The following PARM1 variants were observed in gnomAD, a reference collection of about 807,000 sequenced individuals.
The protein encoded by PARM1 is prostate androgen-regulated mucin-like protein 1.
A neutral mutation model predicts 24.6 loss-of-function variants in PARM1; 14 were observed. The ratio of observed to expected loss-of-function variants is 0.57; its 90% CI spans 0.38 to 0.89. The LOEUF (loss-of-function observed/expected upper bound fraction) is 0.89, where lower values mean the gene tolerates loss of function less well. Ranked by LOEUF, PARM1 falls within the 40% of genes least tolerant of loss-of-function variation. The pLI is 0.00. For missense variants in PARM1, 362 were observed against 380.4 expected (o/e 0.95, Z 0.40); for synonymous variants, 179 against 156.6 (o/e 1.14, Z -1.07).
Position 74,977,507 on chromosome 4 carries a change from G to A in PARM1, c.44-34918G>A, listed in dbSNP as rs1410459309. Among the ~76,000 whole-genome samples the A allele has an allele frequency of 2.0e-5, 3 of 152,296 alleles. No individual in the cohort carries two copies. The East Asian group carries it at 5.8e-4, about 29-fold the overall frequency. ...ACAACTAATGGGGGTATATGAAAGA[G>A]ACAAGGAGAATGGACCCAAGTTGGA... On this transcript the variant is annotated intron_variant, in intron 1 of 3. Transcript: ENST00000307428.
chr4:74,979,383 C>T (rs1237859266), intron 1 of PARM1, among the ~76,000 whole-genome samples: 1 of 152,100 alleles, frequency 6.6e-6, no homozygotes, highest in Non-Finnish European at 1.5e-5. Context: ...AATTCCTGGA[C>T]ACATACACCC....
At chr4:74,983,582 C>T (rs1351147945) in intron 1 of PARM1, among the ~76,000 whole-genome samples, 2 of 152,202 alleles carry the variant, frequency 1.3e-5, no homozygotes, top group Non-Finnish European at 2.9e-5. Flanking sequence ...ATGCTTCTCT[C>T]TACTGTAGCT....
chr4:75,046,764 G>A lies in PARM1; in HGVS notation c.*517G>A, dbSNP rs2109819507. 6.5e-6 allele frequency: 1 copy of A among 152,700 alleles called. No individual in the cohort carries two copies. The highest frequency in any genetic ancestry group is 2.4e-5 in the African/African-American group (1 of 41,572). 9.5% of individuals were successfully genotyped at this position (152,700 alleles called of 1,614,324 possible). ...TCTATTTATCTGGTTGTTTCTGACA[G>A]GATGCTGCCTGCTTGGCTCTACAAG... On this transcript the variant is annotated 3_prime_UTR_variant, in exon 4 of 4. Transcript: ENST00000307428.
intron 1 of PARM1, among the ~76,000 whole-genome samples, chr4:74,989,047 GA>G (rs1408033858): frequency 6.6e-6 from 1 of 152,066 alleles, no homozygotes; most frequent in East Asian, 1.9e-4. Context: ...GGATAGAGAG[GA>G]AAAAACCAAA....
At position 75,047,537 on chromosome 4, in the gene PARM1, C is replaced by A. The variant is rs913465839; in HGVS notation, c.*1290C>A. On this transcript the variant is annotated 3_prime_UTR_variant, in exon 4 of 4. Coordinates refer to ENST00000307428, the MANE Select transcript of PARM1 (RefSeq NM_015393.4). ...GAGGTGATTTTGCCCCCTGACTCCA[C>A]CCCAGGGACATTCAAAAATGTCTGG... is the stretch of plus-strand genomic sequence containing the variant. 3 of 152,214 alleles carry A rather than the reference C, an allele frequency of 2.0e-5. No homozygotes were observed. Among genetic ancestry groups the A allele is most frequent in the African/African-American group, 7.2e-5 (3 of 41,452 alleles). 9.4% of individuals were successfully genotyped at this position (152,214 alleles called of 1,614,324 possible).
intron 1 of PARM1, among the ~76,000 whole-genome samples, chr4:74,992,572 CAGG>C (rs1291669344): frequency 1.3e-5 from 2 of 151,986 alleles, no homozygotes; most frequent in Non-Finnish European, 2.9e-5. Context: ...GCCAATGGGG[CAGG>C]AGAAGTCTTT....
chr4:75,036,464 G>A (rs1041873118), intron 3 of PARM1, among the ~76,000 whole-genome samples: 3 of 152,148 alleles, frequency 2.0e-5, no homozygotes, highest in Admixed American at 6.5e-5. Flanking sequence ...TGTAAAATAA[G>A]GGCAGTAGTT....
intron 1 of PARM1, among the ~76,000 whole-genome samples, chr4:75,010,338 G>A (rs114399053): frequency 1.3e-5 from 2 of 152,242 alleles, no homozygotes; most frequent in African/African-American, 2.4e-5. Context: ...TAGAATGGTT[G>A]GTTGTTTTTA....
intron 3 of PARM1, among the ~76,000 whole-genome samples, chr4:75,038,652 C>T: frequency 6.6e-6 from 1 of 152,220 alleles, no homozygotes; most frequent in East Asian, 1.9e-4. Flanking sequence ...CCATGTTACA[C>T]ATTTATAAAT....
chr4:74,957,635 CATT>C (rs1431444391), intron 1 of PARM1, among the ~76,000 whole-genome samples: 1 of 152,118 alleles, frequency 6.6e-6, no homozygotes, highest in African/African-American at 2.4e-5. Flanking sequence ...GCCTATATGA[CATT>C]AGAAGTCAAG....
intron 1 of PARM1, among the ~76,000 whole-genome samples, chr4:74,938,920 T>C (rs1721246801): frequency 6.6e-6 from 1 of 152,202 alleles, no homozygotes; most frequent in African/African-American, 2.4e-5. Flanking sequence ...ATAATGTCAA[T>C]TGAAAATAGT....
intron 1 of PARM1, among the ~76,000 whole-genome samples, chr4:74,974,513 T>C (rs72860944): frequency 0.027 from 4,173 of 152,290 alleles, 83 homozygotes; most frequent in South Asian, 0.076. Context: ...ATAAGGCTTT[T>C]ATTCCCAGCA....
chr4:74,964,258 C>T (rs1052824511), intron 1 of PARM1, among the ~76,000 whole-genome samples: 2 of 152,188 alleles, frequency 1.3e-5, no homozygotes, highest in Admixed American at 6.6e-5. Context: ...TGAGCGCTTA[C>T]CAGTGAGCTC....
intron 1 of PARM1, among the ~76,000 whole-genome samples, chr4:74,951,503 A>G (rs1245196392): frequency 6.6e-6 from 1 of 152,092 alleles, no homozygotes; most frequent in Admixed American, 6.5e-5. Context: ...GGTTTGTTAC[A>G]TAGGTATACA....
Position 75,046,771 on chromosome 4 carries a change from G to A in PARM1, c.*524G>A, listed in dbSNP as rs1200626824. 1.3e-5 allele frequency: 2 copies of A among 152,528 alleles called. No homozygotes were observed. The highest frequency in any genetic ancestry group is 4.8e-5 in the African/African-American group (2 of 41,456). 9.4% of individuals were successfully genotyped at this position (152,528 alleles called of 1,614,324 possible). ...ATCTGGTTGTTTCTGACAGGATGCT[G>A]CCTGCTTGGCTCTACAAGCTGGAAA... On this transcript the variant is annotated 3_prime_UTR_variant, in exon 4 of 4. Transcript: ENST00000307428.
chr4:74,938,134 C>T (rs927905388), intron 1 of PARM1, among the ~76,000 whole-genome samples: 14 of 152,074 alleles, frequency 9.2e-5, no homozygotes, highest in African/African-American at 2.7e-4. Context: ...CAATAATTGC[C>T]GTATCTCTAA....
At chr4:75,031,748 T>C (rs1447311123) in intron 2 of PARM1, among the ~76,000 whole-genome samples, 1 of 152,242 alleles carries the variant, frequency 6.6e-6, no homozygotes, top group African/African-American at 2.4e-5. Context: ...GCTATATTCA[T>C]TCTTTTCTTC....
At chr4:74,965,953 G>A (rs1440268333) in intron 1 of PARM1, among the ~76,000 whole-genome samples, 2 of 152,142 alleles carry the variant, frequency 1.3e-5, no homozygotes, top group African/African-American at 2.4e-5. Context: ...TTCAAATAAA[G>A]TCTAGATTTT....
chr4:74,966,843 T>C (rs1393955968), intron 1 of PARM1: 1 of 152,202 alleles, frequency 6.6e-6, no homozygotes, highest in Non-Finnish European at 1.5e-5. Flanking sequence ...AGTTTGGCCA[T>C]TGGCATTACG....
Sources: allele counts gnomAD v4.1 joint callset (sites outside exome capture counted in the v4.1 genomes callset), GRCh38; gene constraint gnomAD v4.1.1; transcripts MANE v1.5; gene names NCBI Gene and HGNC (gene_info 2026-07-23, HGNC 2026-07-21).